DOCK1: variants seen among roughly 807,000 people sequenced by gnomAD.
DOCK1 encodes the protein dedicator of cytokinesis protein 1.
In DOCK1, 138 loss-of-function variants were observed where a neutral mutation model predicts 262.7. The ratio of observed to expected loss-of-function variants is 0.53; its 90% CI spans 0.46 to 0.61. DOCK1 has a LOEUF of 0.61. Among genes scored for constraint, DOCK1 ranks in the 20% least tolerant of loss-of-function variants. The pLI, the probability that DOCK1 is intolerant of heterozygous loss-of-function variation, is 0.00. For missense variants in DOCK1, 1,908 were observed against 2,370.7 expected, an observed-to-expected ratio of 0.80 and a Z score of 4.05; for synonymous variants, 866 against 867.4, an observed-to-expected ratio of 1.00 and a Z score of 0.03.
intron 29 of DOCK1, among the ~76,000 whole-genome samples, chr10:127,305,700 A>G (rs1370217033): frequency 6.6e-6 from 1 of 152,226 alleles, no homozygotes; most frequent in Non-Finnish European, 1.5e-5. Context: ...TGGACTCTGT[A>G]TACAGTCAGA....
chr10:126,958,882 T>C (rs1306130923), intron 1 of DOCK1, among the ~76,000 whole-genome samples: 2 of 152,240 alleles, frequency 1.3e-5, no homozygotes, highest in Non-Finnish European at 2.9e-5. Context: ...TGAGTGACCA[T>C]GGCCCGTGAC....
intron 29 of DOCK1, among the ~76,000 whole-genome samples, chr10:127,305,438 T>C (rs547209481): frequency 6.6e-6 from 1 of 152,308 alleles, no homozygotes; most frequent in South Asian, 2.1e-4. Flanking sequence ...GGAAATCTTG[T>C]CTGAGGATTT....
intron 29 of DOCK1, among the ~76,000 whole-genome samples, chr10:127,264,118 G>T (rs2060273191): frequency 6.6e-6 from 1 of 152,122 alleles, no homozygotes; most frequent in South Asian, 2.1e-4. Context: ...TGTTCGTATT[G>T]ACTACATAGC....
chr10:127,273,573 G>A (rs1053732077), intron 29 of DOCK1, among the ~76,000 whole-genome samples: 10 of 152,298 alleles, frequency 6.6e-5, no homozygotes, highest in East Asian at 1.9e-4. Context: ...CATACTGTGC[G>A]AAAGGTATTT....
intron 31 of DOCK1, among the ~76,000 whole-genome samples, chr10:127,349,466 G>A (rs775497916): frequency 3.9e-5 from 6 of 152,028 alleles, no homozygotes; most frequent in East Asian, 1.9e-4. Context: ...ATCAAGTGGC[G>A]GTGGGGGTTC....
rs758124821 is a variant in DOCK1, at chr10:127,257,320, G to GT, written c.2950-8dup. 13 of 1,566,192 alleles carry GT rather than the reference G, an allele frequency of 8.3e-6. No individual in the cohort carries two copies. Among genetic ancestry groups the GT allele is most frequent in the African/African-American group, 1.3e-5 (1 of 74,278 alleles). On this transcript the variant is annotated splice_polypyrimidine_tract_variant and intron_variant, in intron 28 of 51. Transcript: ENST00000623213. The stretch of plus-strand genomic sequence containing the variant: ...TCTTTGTGGGCCATTTCAGTGTTTT[G>GT]TTTTTTTATTTCAGGATTTCCTAAT...
Position 127,175,343 on chromosome 10 carries a change from AG to A in DOCK1, c.2847+47581del. 6.2e-7 allele frequency: 1 copy of A among 1,614,060 alleles called. No homozygotes were observed. Reference sequence around the variant, plus strand: ...CTTTGAGGTCGACCACTTCCGTATGAGGCACGATTCGTTGGCATTCTTCACC... The same window carrying A: ...CTTTGAGGTCGACCACTTCCGTATGAGCACGATTCGTTGGCATTCTTCACC... On this transcript the variant is annotated intron_variant, in intron 27 of 51. Coordinates refer to ENST00000623213, the MANE Select transcript of DOCK1 (RefSeq NM_001290223.2). This position sits in a 1 kb window ranked among gnomAD's most constrained non-coding sequence, Gnocchi z 6.3.
At chr10:127,030,608 ATTTG>A (rs2043170620) in intron 16 of DOCK1, among the ~76,000 whole-genome samples, 1 of 152,222 alleles carries the variant, frequency 6.6e-6, no homozygotes, top group Admixed American at 6.5e-5. Context: ...CTGAAAGCTC[ATTTG>A]TTTGTTGACT....
intron 29 of DOCK1, among the ~76,000 whole-genome samples, chr10:127,261,979 G>GGTGT (rs565161059): frequency 1.0e-5 from 1 of 96,094 alleles, no homozygotes; most frequent in Non-Finnish European, 2.0e-5. Context: ...TGTGCATGTG[G>GGTGT]GTGTGTGTGT....
intron 2 of DOCK1, among the ~76,000 whole-genome samples, chr10:126,974,771 A>G (rs2038389590): frequency 1.3e-5 from 2 of 152,224 alleles, no homozygotes; most frequent in South Asian, 4.2e-4. Flanking sequence ...CATGGAGGAC[A>G]GAGATTGGGT....
intron 1 of DOCK1, among the ~76,000 whole-genome samples, chr10:126,920,041 T>C (rs1004301187): frequency 6.6e-6 from 1 of 152,092 alleles, no homozygotes; most frequent in Non-Finnish European, 1.5e-5. Context: ...TCAGCAGCCC[T>C]AAAACTCCCT....
chr10:127,125,450 C>G (rs749929253), intron 25 of DOCK1, 24 bp from the exon 26 acceptor site: 5 of 1,611,176 alleles, frequency 3.1e-6, no homozygotes, highest in Non-Finnish European at 4.2e-6. Context: ...TTCACACTGA[C>G]TGGCAATGCT....
chr10:127,424,523 C>T (rs1036827598), intron 46 of DOCK1, among the ~76,000 whole-genome samples: 2 of 152,192 alleles, frequency 1.3e-5, no homozygotes, highest in Admixed American at 6.5e-5. Flanking sequence ...CACCTCCACA[C>T]ATCCCTGCCT....
At position 127,446,826 on chromosome 10, in the gene DOCK1, C is replaced by T. The variant is rs2070592323; in HGVS notation, c.5414-568C>T. On this transcript the variant is annotated intron_variant, in intron 50 of 51. Coordinates refer to ENST00000623213, the MANE Select transcript of DOCK1 (RefSeq NM_001290223.2). The surrounding 1 kb of genome is among the most constrained non-coding windows in gnomAD (Gnocchi z 4.4). ...ACTTTAAAAATCAATTGTACTTCCCCTTGGCTTATTTAAAGCAACAGCCAC... is the reference window on the plus strand; with the variant it reads ...ACTTTAAAAATCAATTGTACTTCCCTTTGGCTTATTTAAAGCAACAGCCAC... Among the ~76,000 whole-genome samples the T allele has an allele frequency of 6.6e-6, 1 of 152,184 alleles. No individual in the cohort carries two copies. Among genetic ancestry groups the T allele is most frequent in the South Asian group, 2.1e-4 (1 of 4,822 alleles).
intron 2 of DOCK1, among the ~76,000 whole-genome samples, chr10:126,977,288 G>A (rs926556590): frequency 9.9e-5 from 15 of 152,176 alleles, no homozygotes; most frequent in African/African-American, 1.2e-4. Flanking sequence ...CGGATGGTTC[G>A]AGTGTGTCTT....
At chr10:127,260,726 TGTGC>T (rs2060003555) in intron 29 of DOCK1, among the ~76,000 whole-genome samples, 1 of 148,376 alleles carries the variant, frequency 6.7e-6, no homozygotes, top group Non-Finnish European at 1.5e-5. Flanking sequence ...CTTGCATGTG[TGTGC>T]GTGTGGGTGT....
chr10:126,959,904 G>A (rs1244998323), intron 1 of DOCK1, among the ~76,000 whole-genome samples: 3 of 151,774 alleles, frequency 2.0e-5, no homozygotes, highest in African/African-American at 7.3e-5. Context: ...TGCAACCCCC[G>A]CCTCCCGGGT....
At chr10:127,169,511 A>G (rs1298632623) in intron 27 of DOCK1, among the ~76,000 whole-genome samples, 2 of 152,212 alleles carry the variant, frequency 1.3e-5, no homozygotes, top group African/African-American at 2.4e-5. Flanking sequence ...TACAAACCAT[A>G]TATCAGGAGT....
At chr10:127,157,182 G>C (rs980851962) in intron 27 of DOCK1, among the ~76,000 whole-genome samples, 4 of 152,190 alleles carry the variant, frequency 2.6e-5, no homozygotes, top group Non-Finnish European at 5.9e-5. Context: ...CTCTAAGGAG[G>C]TGACATTTTT....
Sources: allele counts gnomAD v4.1 joint callset (sites outside exome capture counted in the v4.1 genomes callset), GRCh38; gene constraint gnomAD v4.1.1; non-coding constraint Gnocchi (gnomAD v3.1); transcripts MANE v1.5; gene names NCBI Gene and HGNC (gene_info 2026-07-23, HGNC 2026-07-21).